The following INPP5A variants were observed in gnomAD, a reference collection of about 807,000 sequenced individuals.
INPP5A encodes the protein inositol polyphosphate-5-phosphatase A.
Under a neutral mutation model 65.2 loss-of-function variants are expected in INPP5A, and 14 were observed. The ratio of observed to expected loss-of-function variants is 0.21; its 90% CI spans 0.14 to 0.34. The LOEUF (loss-of-function observed/expected upper bound fraction) is 0.34, where lower values mean the gene tolerates loss of function less well. Among genes scored for constraint, INPP5A ranks in the 10% least tolerant of loss-of-function variants. The pLI is 1.00. For missense variants in INPP5A, 431 were observed against 545.6 expected, an observed-to-expected ratio of 0.79 and a Z score of 2.09; for synonymous variants, 207 against 208.3, an observed-to-expected ratio of 0.99 and a Z score of 0.05.
In INPP5A at chr10:132,703,230, G is replaced by C. The variant is rs140241793; in HGVS notation, c.475-5083G>C. ...ATCCGGGCTCTTGTGATTGTCATCAGCTGGCGAGGACATGGATCTGGGCTC... is the reference window on the plus strand; with the variant it reads ...ATCCGGGCTCTTGTGATTGTCATCACCTGGCGAGGACATGGATCTGGGCTC... On this transcript the variant is annotated intron_variant, in intron 6 of 15. Transcript: ENST00000368594. Among the ~76,000 whole-genome samples, 423 of 152,240 alleles carry C rather than the reference G, an allele frequency of 2.8e-3. 1 individual carries two copies. The highest frequency in any genetic ancestry group is 9.9e-3 in the African/African-American group (412 of 41,526).
chr10:132,600,005 G>T (rs2071755810), intron 1 of INPP5A, among the ~76,000 whole-genome samples: 1 of 152,186 alleles, frequency 6.6e-6, no homozygotes, highest in Non-Finnish European at 1.5e-5. Flanking sequence ...TGGGCCTCTG[G>T]GCCTGTGGTG....
chr10:132,606,705 G>A (rs930269589), intron 1 of INPP5A, among the ~76,000 whole-genome samples: 4 of 152,206 alleles, frequency 2.6e-5, no homozygotes, highest in Admixed American at 1.3e-4. Context: ...GCGTGGGCGC[G>A]GAGTCTGGGC....
Position 132,665,014 on chromosome 10 carries a change from T to G in INPP5A, c.306+14509T>G, listed in dbSNP as rs114514677. On this transcript the variant is annotated intron_variant, in intron 4 of 15. Transcript: ENST00000368594. ...GGGGCTGCCCCTGCCTGCCCAGAAC[T>G]TTCCTGAAGTCGTGGCCTGGCAGCG... Among the ~76,000 whole-genome samples, 1,232 of 151,904 alleles carry G rather than the reference T, an allele frequency of 8.1e-3. 15 individuals are homozygous for G. The highest frequency in any genetic ancestry group is 0.028 in the African/African-American group (1,181 of 41,476).
At chr10:132,756,425 T>C (rs115116945) in intron 11 of INPP5A, among the ~76,000 whole-genome samples, 1,540 of 152,250 alleles carry the variant, frequency 0.01, 34 homozygotes, top group African/African-American at 0.034. Context: ...TGCGTGTGTG[T>C]ATACAGTCAC....
In INPP5A at chr10:132,675,496, C is replaced by T. The variant is rs895296224; in HGVS notation, c.307-14896C>T. 6.6e-6 allele frequency among the ~76,000 whole-genome samples: 1 copy of T among 152,176 alleles called. No individual in the cohort carries two copies. The highest frequency in any genetic ancestry group is 1.5e-5 in the Non-Finnish European group (1 of 68,042). On this transcript the variant is annotated intron_variant, in intron 4 of 15. Coordinates refer to ENST00000368594, the MANE Select transcript of INPP5A (RefSeq NM_005539.5). The surrounding 1 kb of genome is among the most constrained non-coding windows in gnomAD (Gnocchi z 4.2). ...GGCATTGGTTGTGTAAACCGAGGCA[C>T]CTCCTGCAGTGTAAAACACGGAGAG...
At chr10:132,581,512 C>G (rs1030946325) in intron 1 of INPP5A, among the ~76,000 whole-genome samples, 1 of 152,150 alleles carries the variant, frequency 6.6e-6, no homozygotes, top group African/African-American at 2.4e-5. Flanking sequence ...TCTGACAGTG[C>G]GTGGAGGCCT....
intron 10 of INPP5A, 47 bp from the exon 11 acceptor site, chr10:132,749,724 C>T (rs1363567290): frequency 6.2e-7 from 1 of 1,603,746 alleles, no homozygotes. Context: ...GGGACACGCA[C>T]AAGGCTGGGG....
At chr10:132,634,444 A>C (rs1051476166) in intron 2 of INPP5A, among the ~76,000 whole-genome samples, 2 of 150,152 alleles carry the variant, frequency 1.3e-5, no homozygotes, top group Non-Finnish European at 3.0e-5. Flanking sequence ...TCCCTTGGTG[A>C]GTGTGCCACG....
intron 12 of INPP5A, among the ~76,000 whole-genome samples, chr10:132,770,509 A>G (rs1351340621): frequency 6.6e-6 from 1 of 152,170 alleles, no homozygotes; most frequent in Non-Finnish European, 1.5e-5. Flanking sequence ...AAGAGACTGC[A>G]TCATTCATTT....
At chr10:132,737,699 G>A (rs1846202413) in intron 9 of INPP5A, among the ~76,000 whole-genome samples, 1 of 152,258 alleles carries the variant, frequency 6.6e-6, no homozygotes, top group Non-Finnish European at 1.5e-5. Flanking sequence ...GCTAAGCCGT[G>A]CTGCTCGGTT....
At chr10:132,729,829 G>A (rs1203848453) in intron 9 of INPP5A, among the ~76,000 whole-genome samples, 3 of 152,210 alleles carry the variant, frequency 2.0e-5, no homozygotes, top group Admixed American at 2.0e-4. Context: ...TCTAATGGCT[G>A]TGCTTAAGGG....
At chr10:132,765,239 C>T (rs528353029) in intron 11 of INPP5A, among the ~76,000 whole-genome samples, 2 of 152,270 alleles carry the variant, frequency 1.3e-5, no homozygotes, top group South Asian at 4.1e-4. Context: ...TTGGAAGAGT[C>T]TCAGGGGGCA....
chr10:132,541,135 T>C (rs4880413), intron 1 of INPP5A, among the ~76,000 whole-genome samples: 96,520 of 151,892 alleles, frequency 0.64, 31,527 homozygotes, highest in African/African-American at 0.76. Context: ...CACAGGCACA[T>C]GCCACCATGC....
At chr10:132,600,033 G>A (rs558520793) in intron 1 of INPP5A, among the ~76,000 whole-genome samples, 21 of 152,338 alleles carry the variant, frequency 1.4e-4, no homozygotes, top group African/African-American at 4.8e-4. Flanking sequence ...TTGCCATGAA[G>A]GTCTCTGATG....
At chr10:132,552,574 A>T (rs2071069754) in intron 1 of INPP5A, among the ~76,000 whole-genome samples, 1 of 131,138 alleles carries the variant, frequency 7.6e-6, no homozygotes, top group Non-Finnish European at 1.6e-5. Context: ...GGGAGGGAGG[A>T]TTGGTGAATG....
In INPP5A at chr10:132,678,090, G is replaced by A. The variant is rs542238383; in HGVS notation, c.307-12302G>A. Among the ~76,000 whole-genome samples, 28 of 152,310 alleles carry A rather than the reference G, an allele frequency of 1.8e-4. No homozygotes were observed. The highest frequency in any genetic ancestry group is 5.8e-4 in the African/African-American group (24 of 41,562). On this transcript the variant is annotated intron_variant, in intron 4 of 15. Coordinates refer to ENST00000368594, the MANE Select transcript of INPP5A (RefSeq NM_005539.5). This position sits in a 1 kb window ranked among gnomAD's most constrained non-coding sequence, Gnocchi z 4.1. ...GGGGACACCTTGGTGCCGTCATCCC[G>A]TTTGGCCCCAGGAGCTGAAATTGGA...
intron 9 of INPP5A, among the ~76,000 whole-genome samples, chr10:132,728,278 G>A (rs974654094): frequency 1.1e-4 from 16 of 152,234 alleles, no homozygotes; most frequent in African/African-American, 3.6e-4. Flanking sequence ...CAGGGGCCCC[G>A]AAGTCCTTTC....
At chr10:132,781,100 C>T (rs1847154089) in intron 14 of INPP5A, among the ~76,000 whole-genome samples, 183 bp downstream of exon 14, 1 of 152,128 alleles carries the variant, frequency 6.6e-6, no homozygotes, top group South Asian at 2.1e-4. Context: ...CCAAGTTGGT[C>T]TGTTTTTATT....
chr10:132,699,092 CAAGA>C lies in INPP5A; in HGVS notation c.474+1177_474+1180del, dbSNP rs1451405874. 2.6e-5 allele frequency among the ~76,000 whole-genome samples: 4 copies of C among 152,338 alleles called. No individual in the cohort carries two copies. In the East Asian group the frequency reaches 7.7e-4, roughly 29 times the overall value. ...ATGTCCAGCAGTTGGAAAGGACATG[CAAGA>C]AAGCTCCATGGTCTTCTCCACGCAC... On this transcript the variant is annotated intron_variant, in intron 6 of 15. Transcript: ENST00000368594.
Sources: allele counts gnomAD v4.1 joint callset (sites outside exome capture counted in the v4.1 genomes callset), GRCh38; gene constraint gnomAD v4.1.1; non-coding constraint Gnocchi (gnomAD v3.1); transcripts MANE v1.5; gene names NCBI Gene and HGNC (gene_info 2026-07-23, HGNC 2026-07-21).